The following TBC1D19 variants were observed in gnomAD, a reference collection of about 807,000 sequenced individuals.
TBC1D19 encodes TBC1 domain family member 19, also known as TBC1 domain family, member 19.
In TBC1D19, 60 loss-of-function variants were observed where a neutral mutation model predicts 89.0. That is an observed-to-expected ratio of 0.67 (90% confidence interval 0.55 to 0.84). The LOEUF (loss-of-function observed/expected upper bound fraction) is 0.84. Among genes scored for constraint, TBC1D19 ranks in the 40% least tolerant of loss-of-function variants. The pLI is 0.00. For synonymous variants in TBC1D19, 189 were observed against 199.7 expected (o/e 0.95, Z 0.45); for missense variants, 500 against 610.8 (o/e 0.82, Z 1.91).
the TBC1D19 span, among the ~76,000 whole-genome samples, chr4:26,835,347 C>G: frequency 3.3e-4 from 50 of 152,174 alleles, no homozygotes; most frequent in Non-Finnish European, 5.7e-4. Flanking sequence ...GCCATTCCAA[C>G]ACCTTGATTT....
At chr4:26,708,581 A>C (rs1317163276) in intron 13 of TBC1D19, among the ~76,000 whole-genome samples, 1 of 151,986 alleles carries the variant, frequency 6.6e-6, no homozygotes, top group Non-Finnish European at 1.5e-5. Flanking sequence ...AATTTCTCTC[A>C]TCTTTCTGAG....
At chr4:26,841,402 A>G in the TBC1D19 span, among the ~76,000 whole-genome samples, 13 of 151,136 alleles carry the variant, frequency 8.6e-5, no homozygotes, top group African/African-American at 2.2e-4. Context: ...AAAAAAAAAA[A>G]AGTGTATGAC....
chr4:26,827,497 A>G, the TBC1D19 span, among the ~76,000 whole-genome samples: 2 of 152,240 alleles, frequency 1.3e-5, no homozygotes, highest in African/African-American at 4.8e-5. Flanking sequence ...CCAACTACGC[A>G]GGAGGCTGAG....
intron 12 of TBC1D19, 40 bp downstream of exon 12, chr4:26,683,789 T>C (rs528615546): frequency 1.1e-5 from 16 of 1,520,770 alleles, no homozygotes; most frequent in Admixed American, 9.2e-5. Flanking sequence ...TTCATTAATA[T>C]AATTTAGAAT....
chr4:26,741,753 A>T (rs183186847), intron 17 of TBC1D19, among the ~76,000 whole-genome samples: 28 of 152,204 alleles, frequency 1.8e-4, no homozygotes, highest in Non-Finnish European at 4.1e-4. Context: ...CAAAAAGAGG[A>T]TTAAAACTTC....
In TBC1D19 at chr4:26,647,687, G is replaced by C. The variant is rs371431638; in HGVS notation, c.480+7500G>C. The stretch of plus-strand genomic sequence containing the variant: ...ATCTCTGGTTACTGTCCTTCTGATT[G>C]GTCTTACTCCAGCTACTTTAGCCTC... On this transcript the variant is annotated intron_variant, in intron 7 of 20. Coordinates refer to ENST00000264866, the MANE Select transcript of TBC1D19 (RefSeq NM_018317.4). 1.8e-4 allele frequency among the ~76,000 whole-genome samples: 28 copies of C among 152,146 alleles called. No homozygotes were observed. The South Asian group carries it at 5.8e-3, about 32-fold the overall frequency.
chr4:26,800,897 C>G, the TBC1D19 span, among the ~76,000 whole-genome samples: 12 of 152,244 alleles, frequency 7.9e-5, no homozygotes, highest in South Asian at 2.3e-3. Context: ...ATTGTAGATT[C>G]TGGATATTAG....
chr4:26,608,945 G>A (rs62409934), intron 1 of TBC1D19, among the ~76,000 whole-genome samples: 54,254 of 148,732 alleles, frequency 0.36, 11,132 homozygotes, highest in Non-Finnish European at 0.47. Context: ...GCAAACTATC[G>A]CAAGGACAAA....
chr4:26,659,149 G>C (rs1184400558), intron 7 of TBC1D19, among the ~76,000 whole-genome samples: 8 of 151,878 alleles, frequency 5.3e-5, no homozygotes, highest in African/African-American at 1.9e-4. Flanking sequence ...GAGATGCCTT[G>C]CAATCTTACT....
chr4:26,617,691 A>G (rs911273926), intron 3 of TBC1D19, among the ~76,000 whole-genome samples: 2 of 152,250 alleles, frequency 1.3e-5, no homozygotes, highest in African/African-American at 4.8e-5. Context: ...CTTTACATGC[A>G]AAATGAAAAT....
At chr4:26,716,720 C>G (rs1716638816) in intron 13 of TBC1D19, among the ~76,000 whole-genome samples, 1 of 152,052 alleles carries the variant, frequency 6.6e-6, no homozygotes, top group Admixed American at 6.6e-5. Flanking sequence ...AAAAAGCAGT[C>G]TGAAAGGATA....
At chr4:26,706,923 T>C (rs1035228034) in intron 13 of TBC1D19, among the ~76,000 whole-genome samples, 5 of 152,084 alleles carry the variant, frequency 3.3e-5, no homozygotes, top group African/African-American at 1.2e-4. Flanking sequence ...TAAAAATCTA[T>C]TGAAACTTAA....
chr4:26,856,850 A>G, the TBC1D19 span, among the ~76,000 whole-genome samples: 3 of 152,182 alleles, frequency 2.0e-5, no homozygotes, highest in Non-Finnish European at 4.4e-5. Flanking sequence ...AATAATATAA[A>G]CGACTCACCC....
the TBC1D19 span, among the ~76,000 whole-genome samples, chr4:26,808,727 C>CAAAAAAAAAAAAAA: frequency 3.2e-5 from 3 of 95,056 alleles, no homozygotes; most frequent in African/African-American, 4.5e-5. Flanking sequence ...GACTCTGTCT[C>CAAAAAAAAAAAAAA]AAAAAAAAAA....
the TBC1D19 span, among the ~76,000 whole-genome samples, chr4:26,807,354 G>C: frequency 6.6e-6 from 1 of 152,200 alleles, no homozygotes; most frequent in Non-Finnish European, 1.5e-5. Flanking sequence ...AATGAAAGCC[G>C]TTGAAACCCA....
intron 7 of TBC1D19, among the ~76,000 whole-genome samples, chr4:26,640,561 G>A (rs1015602540): frequency 1.3e-5 from 2 of 152,210 alleles, no homozygotes; most frequent in African/African-American, 4.8e-5. Context: ...AGGTCAGAAA[G>A]TGGGTGCAGC....
At chr4:26,817,968 TA>T in the TBC1D19 span, among the ~76,000 whole-genome samples, 10,118 of 119,120 alleles carry the variant, frequency 0.085, 492 homozygotes, top group South Asian at 0.1. Context: ...AAACTCCATT[TA>T]AAAAAAAAAA....
At chr4:26,794,143 T>C in the TBC1D19 span, among the ~76,000 whole-genome samples, 2 of 152,326 alleles carry the variant, frequency 1.3e-5, no homozygotes, top group East Asian at 1.9e-4. Flanking sequence ...AAAAGAAATA[T>C]TGATATCTGT....
At chr4:26,741,891 T>TA (rs1204165868) in intron 17 of TBC1D19, among the ~76,000 whole-genome samples, 1 of 152,224 alleles carries the variant, frequency 6.6e-6, no homozygotes, top group Non-Finnish European at 1.5e-5. Context: ...AATGCCCTTT[T>TA]AAAAACAGTA....
Sources: allele counts gnomAD v4.1 joint callset (sites outside exome capture counted in the v4.1 genomes callset), GRCh38; gene constraint gnomAD v4.1.1; transcripts MANE v1.5; gene names NCBI Gene and HGNC (gene_info 2026-07-23, HGNC 2026-07-21).